Variants in ZNF736 observed in about 807,000 individuals in gnomAD.
The protein encoded by ZNF736 is zinc finger protein 736.
A neutral mutation model predicts 11.7 loss-of-function variants in ZNF736; 6 were observed. The ratio of observed to expected loss-of-function variants is 0.51; its 90% CI spans 0.28 to 1.01. The LOEUF is 1.01. ZNF736 is among the 50% of genes least tolerant of loss of function. ZNF736 has a pLI of 0.09. For synonymous variants in ZNF736, 139 were observed against 164.7 expected (o/e 0.84, Z 1.19); for missense variants, 444 against 496.0 (o/e 0.90, Z 1.00).
intron 1 of ZNF736, among the ~76,000 whole-genome samples, chr7:64,335,277 G>A (rs530636299): frequency 6.6e-6 from 1 of 151,798 alleles, no homozygotes; most frequent in South Asian, 2.1e-4. Flanking sequence ...ACCTGCACAT[G>A]TATCCCAGAA....
intron 3 of ZNF736, among the ~76,000 whole-genome samples, chr7:64,342,985 G>C (rs796920256): frequency 4.7e-4 from 72 of 152,164 alleles, no homozygotes; most frequent in African/African-American, 1.7e-3. Flanking sequence ...AAAAATAGCA[G>C]CTATACATTA....
chr7:64,315,371 GT>G (rs540369729), intron 1 of ZNF736, among the ~76,000 whole-genome samples: 103 of 143,466 alleles, frequency 7.2e-4, no homozygotes, highest in Middle Eastern at 7.3e-3. Flanking sequence ...ACAAAAGGTT[GT>G]TTTTTTTTTT....
At chr7:64,333,833 C>G (rs1789207549) in intron 1 of ZNF736, among the ~76,000 whole-genome samples, 1 of 152,146 alleles carries the variant, frequency 6.6e-6, no homozygotes, top group South Asian at 2.1e-4. Flanking sequence ...CCCATATAGT[C>G]AACACAGTCC....
intron 1 of ZNF736, among the ~76,000 whole-genome samples, chr7:64,327,232 AGTT>A (rs1382468751): frequency 3.9e-5 from 6 of 152,136 alleles, no homozygotes; most frequent in South Asian, 2.1e-4. Context: ...ATAAATTTGC[AGTT>A]GTTGTATTTT....
chr7:64,348,238 G>T lies in ZNF736; in HGVS notation c.375G>T (p.Gly125=). Residue 125 remains glycine (G), a synonymous_variant, in exon 4 of 4, where the codon GGG becomes GGT. Coordinates refer to ENST00000423484, the MANE Select transcript of ZNF736 (RefSeq NM_001170905.3). ...KDYQSVGNCK[G]QKSSYNGLHQ... ...ACCAAAGTGTGGGTAATTGCAAGGGGCAGAAAAGCAGTTATAATGGCCTTC... is the reference window on the plus strand; with the variant it reads ...ACCAAAGTGTGGGTAATTGCAAGGGTCAGAAAAGCAGTTATAATGGCCTTC... 5 of 1,551,882 alleles carry T rather than the reference G, an allele frequency of 3.2e-6. No homozygotes were observed. The highest frequency in any genetic ancestry group is 4.4e-6 in the Non-Finnish European group (5 of 1,146,904).
chr7:64,318,109 A>T (rs147470019), intron 1 of ZNF736, among the ~76,000 whole-genome samples: 3,361 of 152,064 alleles, frequency 0.022, 58 homozygotes, highest in South Asian at 0.071. Flanking sequence ...TTTTATAAAG[A>T]TATATTTTCT....
At chr7:64,335,147 A>G (rs1473280815) in intron 1 of ZNF736, among the ~76,000 whole-genome samples, 3 of 152,138 alleles carry the variant, frequency 2.0e-5, no homozygotes, top group Admixed American at 1.3e-4. Context: ...CTGTCAGCAG[A>G]TGGGGGCAAG....
In ZNF736 at chr7:64,348,228, A is replaced by G. The variant is rs764768688; in HGVS notation, c.365A>G (p.Asn122Ser). 3.0e-5 allele frequency: 46 copies of G among 1,551,820 alleles called. No individual in the cohort carries two copies. The highest frequency in any genetic ancestry group is 3.9e-5 in the Non-Finnish European group (45 of 1,146,934). ...HLKKDYQSVG[N>S]CKGQKSSYNG... ...AAGAAAGACTACCAAAGTGTGGGTA[A>G]TTGCAAGGGGCAGAAAAGCAGTTAT... The change falls in exon 4 of 4, where the codon AAT becomes AGT. Residue 122 changes from asparagine to serine, a missense_variant. Transcript: ENST00000423484.
chr7:64,331,264 G>T (rs1449398607), intron 1 of ZNF736, among the ~76,000 whole-genome samples: 1 of 152,072 alleles, frequency 6.6e-6, no homozygotes, highest in African/African-American at 2.4e-5. Context: ...CTCTGACTAG[G>T]GCTAGTCTGA....
chr7:64,346,491 G>T (rs1346812225), intron 3 of ZNF736, among the ~76,000 whole-genome samples: 2 of 145,760 alleles, frequency 1.4e-5, no homozygotes, highest in Non-Finnish European at 3.0e-5. Flanking sequence ...TTTTTTTCCA[G>T]TGCTTTAACT....
chr7:64,354,694 CGTGA>C lies in ZNF736; in HGVS notation c.*5550_*5553del, dbSNP rs542138492. On this transcript the variant is annotated 3_prime_UTR_variant, in exon 4 of 4. Coordinates refer to ENST00000423484, the MANE Select transcript of ZNF736 (RefSeq NM_001170905.3). ...AATGGTGTTCACAAAATAATTTTCACGTGAGTAATTTCACAGTGCGTGTATTGTA... is the reference window on the plus strand; with the variant it reads ...AATGGTGTTCACAAAATAATTTTCACGTAATTTCACAGTGCGTGTATTGTA... The C allele has an allele frequency of 9.4e-4, 143 of 152,192 alleles. No individual in the cohort carries two copies. The highest frequency in any genetic ancestry group is 3.3e-3 in the African/African-American group (136 of 41,528). The allele number at this position is 152,192 out of a possible 1,614,324, so 9.4% of individuals were successfully genotyped here.
intron 3 of ZNF736, among the ~76,000 whole-genome samples, chr7:64,338,078 A>G (rs535569028): frequency 3.0e-4 from 45 of 152,062 alleles, no homozygotes; most frequent in Non-Finnish European, 5.7e-4. Flanking sequence ...TTAAACTCTC[A>G]ATTTTAACTT....
At chr7:64,323,761 G>A (rs999945474) in intron 1 of ZNF736, among the ~76,000 whole-genome samples, 5 of 152,274 alleles carry the variant, frequency 3.3e-5, no homozygotes, top group African/African-American at 1.2e-4. Context: ...GCATCAGGAA[G>A]AACAGCTAAT....
In ZNF736 at chr7:64,336,178, G is replaced by T. The variant is rs762349096; in HGVS notation, c.4-81G>T. ...CAGTAACTCATATAAGTCAGAACCA[G>T]CTATCTTTATTCTCATTTTACCTGA... On this transcript the variant is annotated intron_variant, in intron 1 of 3. Transcript: ENST00000423484. The T allele has an allele frequency of 5.6e-4, 847 of 1,500,190 alleles. 2 individuals are homozygous for T. The highest frequency in any genetic ancestry group is 4.3e-4 in the Non-Finnish European group (475 of 1,102,308). The allele number at this position is 1,500,190 out of a possible 1,614,324, so 92.9% of individuals were successfully genotyped here. A position where few individuals can be genotyped will look rare whatever the true frequency, so the allele number is the denominator to read the frequency against.
chr7:64,354,744 A>G lies in ZNF736; in HGVS notation c.*5597A>G, dbSNP rs1046901208. 3 of 152,140 alleles carry G rather than the reference A, an allele frequency of 2.0e-5. No individual in the cohort carries two copies. Among genetic ancestry groups the G allele is most frequent in the East Asian group, 1.9e-4 (1 of 5,194 alleles). 9.4% of individuals were successfully genotyped at this position (152,140 alleles called of 1,614,324 possible). A position where few individuals can be genotyped will look rare whatever the true frequency, so the allele number is the denominator to read the frequency against. On this transcript the variant is annotated 3_prime_UTR_variant, in exon 4 of 4. Transcript: ENST00000423484. Reference sequence around the variant, plus strand: ...TTGTATGTTATTTAGTGTATTTTATATTTTGTTTCAATTAGAGAATGCTAT... The same window carrying G: ...TTGTATGTTATTTAGTGTATTTTATGTTTTGTTTCAATTAGAGAATGCTAT...
At chr7:64,347,080 CA>C (rs772412367) in intron 3 of ZNF736, among the ~76,000 whole-genome samples, 3 of 151,686 alleles carry the variant, frequency 2.0e-5, no homozygotes, top group Non-Finnish European at 4.4e-5. Context: ...AGCCACATGT[CA>C]AAATCTGTAT....
Position 64,350,566 on chromosome 7 carries a change from G to A in ZNF736, c.*1419G>A, listed in dbSNP as rs1354955904. 1 of 152,040 alleles carries A rather than the reference G, an allele frequency of 6.6e-6. No homozygotes were observed. Among genetic ancestry groups the A allele is most frequent in the African/African-American group, 2.4e-5 (1 of 41,388 alleles). The allele number at this position is 152,040 out of a possible 1,614,324, so 9.4% of individuals were successfully genotyped here. Reference sequence around the variant, plus strand: ...TGTCATCTTAGGCCTTGCTGGAAATGTAATTTGGTCATTTGGATGAAAGAA... The same window carrying A: ...TGTCATCTTAGGCCTTGCTGGAAATATAATTTGGTCATTTGGATGAAAGAA... On this transcript the variant is annotated 3_prime_UTR_variant, in exon 4 of 4. Coordinates refer to ENST00000423484, the MANE Select transcript of ZNF736 (RefSeq NM_001170905.3).
chr7:64,315,261 G>C (rs1210321792), intron 1 of ZNF736, among the ~76,000 whole-genome samples: 1 of 152,114 alleles, frequency 6.6e-6, no homozygotes, highest in Non-Finnish European at 1.5e-5. Context: ...AATGCCAGAA[G>C]CGATTAATAC....
intron 2 of ZNF736, among the ~76,000 whole-genome samples, 189 bp from the exon 3 acceptor site, chr7:64,336,698 G>T (rs1306582600): frequency 3.9e-5 from 6 of 151,938 alleles, no homozygotes; most frequent in Non-Finnish European, 7.4e-5. Context: ...AGTATTACTG[G>T]GTAATAGAGC....
Sources: gnomAD v4.1 joint callset for allele counts (sites outside exome capture counted in the v4.1 genomes callset) on GRCh38, gnomAD v4.1.1 for gene constraint, MANE v1.5 for transcripts, NCBI Gene and HGNC (gene_info 2026-07-23, HGNC 2026-07-21) for gene names.